Variants in GRIA4 observed in about 807,000 individuals in gnomAD.
The protein encoded by GRIA4 is glutamate receptor 4.
GRIA4 carries 34 observed loss-of-function variants against 104.0 expected under a neutral mutation model. The ratio of observed to expected loss-of-function variants is 0.33; its 90% CI spans 0.25 to 0.44. The LOEUF (loss-of-function observed/expected upper bound fraction) is 0.44. Among genes scored for constraint, GRIA4 ranks in the 20% least tolerant of loss-of-function variants. The pLI, the probability that GRIA4 is intolerant of heterozygous loss-of-function variation, is 1.00. For missense variants in GRIA4, 750 were observed against 1,096.5 expected, an observed-to-expected ratio of 0.68 and a Z score of 4.46; for synonymous variants, 386 against 381.9, an observed-to-expected ratio of 1.01 and a Z score of -0.13.
intron 3 of GRIA4, among the ~76,000 whole-genome samples, chr11:105,654,140 T>C (rs1252950028): frequency 6.6e-6 from 1 of 151,372 alleles, no homozygotes; most frequent in African/African-American, 2.4e-5. Flanking sequence ...TCTGAGAAAG[T>C]TGAATTCATA....
chr11:105,790,174 G>T (rs1942153208), intron 4 of GRIA4, among the ~76,000 whole-genome samples: 1 of 152,144 alleles, frequency 6.6e-6, no homozygotes, highest in African/African-American at 2.4e-5. Context: ...AGCACAACAA[G>T]CTGGGTGGGA....
intron 4 of GRIA4, among the ~76,000 whole-genome samples, chr11:105,781,217 T>A (rs1423100551): frequency 6.6e-6 from 1 of 152,178 alleles, no homozygotes; most frequent in Admixed American, 6.5e-5. Context: ...ATGTTAACAT[T>A]AGTCAGATGT....
intron 14 of GRIA4, among the ~76,000 whole-genome samples, chr11:105,950,219 C>T (rs2136239271): frequency 6.6e-6 from 1 of 152,194 alleles, no homozygotes; most frequent in South Asian, 2.1e-4. Flanking sequence ...TTGAGAAAGC[C>T]AGTGGATCTG....
intron 6 of GRIA4, 98 bp from the exon 7 acceptor site, chr11:105,898,171 A>G (rs1946722739): frequency 6.0e-6 from 3 of 502,938 alleles, no homozygotes; most frequent in Admixed American, 3.4e-5. Flanking sequence ...TTTATTAAAA[A>G]TCTTTTAATA....
intron 9 of GRIA4, among the ~76,000 whole-genome samples, chr11:105,907,849 C>T (rs925088442): frequency 1.3e-5 from 2 of 152,064 alleles, no homozygotes; most frequent in African/African-American, 4.8e-5. Context: ...AACTAAGTAA[C>T]CTGCTCAGAG....
intron 14 of GRIA4, among the ~76,000 whole-genome samples, chr11:105,935,946 G>A (rs1044277493): frequency 9.9e-5 from 15 of 152,108 alleles, no homozygotes; most frequent in Non-Finnish European, 1.8e-4. Context: ...TGTTAATGAG[G>A]CAATTGTTAA....
intron 4 of GRIA4, among the ~76,000 whole-genome samples, chr11:105,851,637 G>A (rs1048197756): frequency 2.6e-5 from 4 of 152,076 alleles, no homozygotes; most frequent in Admixed American, 1.3e-4. Flanking sequence ...TCTTAGCGCA[G>A]GGAATAGCCA....
intron 3 of GRIA4, among the ~76,000 whole-genome samples, chr11:105,684,298 A>G (rs572302740): frequency 6.6e-5 from 10 of 152,252 alleles, no homozygotes; most frequent in African/African-American, 2.4e-4. Context: ...CAACGACATT[A>G]AACAGATGGA....
chr11:105,933,526 T>C (rs1043836009), intron 13 of GRIA4, among the ~76,000 whole-genome samples, 196 bp from the exon 14 acceptor site: 1 of 152,152 alleles, frequency 6.6e-6, no homozygotes, highest in Non-Finnish European at 1.5e-5. Context: ...ATCATTTCCA[T>C]GATTTCCTTA....
intron 3 of GRIA4, among the ~76,000 whole-genome samples, chr11:105,750,067 G>A (rs1165008316): frequency 6.6e-6 from 1 of 151,844 alleles, no homozygotes; most frequent in East Asian, 1.9e-4. Context: ...ACATTTTATT[G>A]TTTGAATAAT....
chr11:105,858,271 A>G (rs957757843), intron 4 of GRIA4, among the ~76,000 whole-genome samples: 27 of 152,162 alleles, frequency 1.8e-4, no homozygotes, highest in African/African-American at 6.5e-4. Context: ...TAGTTTACCT[A>G]TCGGTTTTCC....
At chr11:105,813,893 G>C (rs772089181) in intron 4 of GRIA4, among the ~76,000 whole-genome samples, 12 of 152,150 alleles carry the variant, frequency 7.9e-5, no homozygotes, top group Non-Finnish European at 1.8e-4. Flanking sequence ...TCTCATGAGA[G>C]AGAGAGTGGG....
intron 3 of GRIA4, among the ~76,000 whole-genome samples, chr11:105,644,981 T>C (rs1951484317): frequency 6.6e-6 from 1 of 152,158 alleles, no homozygotes; most frequent in Non-Finnish European, 1.5e-5. Context: ...AAGCAGTGCG[T>C]GACTGGTAGG....
chr11:105,845,602 G>A (rs1343667336), intron 4 of GRIA4, among the ~76,000 whole-genome samples: 1 of 152,138 alleles, frequency 6.6e-6, no homozygotes, highest in Non-Finnish European at 1.5e-5. Flanking sequence ...CCTATCCCAG[G>A]CCGGGCACGG....
At chr11:105,901,535 A>T (rs1946853471) in intron 7 of GRIA4, among the ~76,000 whole-genome samples, 1 of 152,216 alleles carries the variant, frequency 6.6e-6, no homozygotes, top group Non-Finnish European at 1.5e-5. Flanking sequence ...GTCAGCCCCT[A>T]ACTGTGGATT....
intron 3 of GRIA4, among the ~76,000 whole-genome samples, chr11:105,657,809 A>T (rs971407973): frequency 6.6e-6 from 1 of 151,986 alleles, no homozygotes; most frequent in East Asian, 1.9e-4. Flanking sequence ...AGAGGAACTC[A>T]TGTAATATAA....
At chr11:105,888,609 T>C (rs1946361126) in intron 6 of GRIA4, among the ~76,000 whole-genome samples, 1 of 151,474 alleles carries the variant, frequency 6.6e-6, no homozygotes, top group African/African-American at 2.4e-5. Flanking sequence ...TTTATGACAC[T>C]TTTTTTTAAT....
intron 6 of GRIA4, among the ~76,000 whole-genome samples, chr11:105,888,816 TTAGA>T (rs1479073519): frequency 1.1e-4 from 17 of 152,292 alleles, no homozygotes; most frequent in Admixed American, 8.5e-4. Flanking sequence ...ATTGTGTTTC[TTAGA>T]TAAAGTATAA....
chr11:105,928,645 C>T (rs1232689625), intron 13 of GRIA4, among the ~76,000 whole-genome samples: 7 of 151,944 alleles, frequency 4.6e-5, no homozygotes, highest in African/African-American at 1.7e-4. Flanking sequence ...TTGCACTTTA[C>T]TGAAAATTGA....
Sources: allele counts gnomAD v4.1 joint callset (sites outside exome capture counted in the v4.1 genomes callset), GRCh38; gene constraint gnomAD v4.1.1; transcripts MANE v1.5; gene names NCBI Gene and HGNC (gene_info 2026-07-23, HGNC 2026-07-21).